The following POLB variants were observed in gnomAD, a reference collection of about 807,000 sequenced individuals.
The protein encoded by POLB is 5'-dRP lyase.
POLB carries 37 observed loss-of-function variants against 52.7 expected under a neutral mutation model. That is an observed-to-expected ratio of 0.70 (90% CI 0.54 to 0.92). POLB has a LOEUF of 0.92. POLB is among the 40% of genes least tolerant of loss of function. POLB has a pLI of 0.00. For missense variants in POLB, 313 were observed against 400.8 expected, an observed-to-expected ratio of 0.78 and a Z score of 1.87; for synonymous variants, 138 against 131.3, an observed-to-expected ratio of 1.05 and a Z score of -0.35.
chr8:42,371,467 C>T, intron 13 of POLB, 96 bp from the exon 14 acceptor site: 11 of 478,374 alleles, frequency 2.3e-5, no homozygotes, highest in Admixed American at 1.6e-4. Flanking sequence ...CTTTTTTCTT[C>T]TGAAAGCAAG....
Position 42,338,655 on chromosome 8 carries a change from C to T in POLB, c.31C>T (p.Leu11Phe), listed in dbSNP as rs1333891024. 1 of 1,614,208 alleles carries T rather than the reference C, an allele frequency of 6.2e-7. No individual in the cohort carries two copies. The change falls in exon 1 of 14, where the codon CTC becomes TTC. Residue 11 changes from leucine (L) to phenylalanine (F), a missense_variant. Coordinates refer to ENST00000265421, the MANE Select transcript of POLB (RefSeq NM_002690.3). The part of the protein sequence containing the change: MSKRKAPQET[L>F]NGGITDMLTE... Reference sequence around the variant, plus strand: ...CAAACGGAAGGCGCCGCAGGAGACTCTCAACGGGGGAATCACCGACATGCT... The same window carrying T: ...CAAACGGAAGGCGCCGCAGGAGACTTTCAACGGGGGAATCACCGACATGCT...
rs1412901637 is a variant in POLB at position 42,357,158 on chromosome 8, T to G, written c.423-11T>G. 4 of 1,448,220 alleles carry G rather than the reference T, an allele frequency of 2.8e-6. No individual in the cohort carries two copies. The allele number at this position is 1,448,220 out of a possible 1,614,324, so 89.7% of individuals were successfully genotyped here. A position where few individuals can be genotyped will look rare whatever the true frequency, so the allele number is the denominator to read the frequency against. On this transcript the variant is annotated splice_polypyrimidine_tract_variant and intron_variant, in intron 7 of 13. Coordinates refer to ENST00000265421, the MANE Select transcript of POLB (RefSeq NM_002690.3). ...ACGAAAATCTTTTGTCTACTTATTC[T>G]GTCTTTATAGATATTTTGGGGACTT...
At chr8:42,356,260 C>T (rs752716158) in intron 7 of POLB, among the ~76,000 whole-genome samples, 2 of 152,150 alleles carry the variant, frequency 1.3e-5, no homozygotes, top group Non-Finnish European at 2.9e-5. Context: ...AAATCTTGAG[C>T]CAGTGAGAGA....
chr8:42,342,249 A>G (rs893017747), intron 2 of POLB: 6 of 1,546,228 alleles, frequency 3.9e-6, no homozygotes, highest in East Asian at 2.2e-5. Flanking sequence ...TCTACATTGT[A>G]TTATCGCCAG....
intron 4 of POLB, among the ~76,000 whole-genome samples, chr8:42,349,609 C>T (rs1053093996): frequency 6.6e-6 from 1 of 152,288 alleles, no homozygotes; most frequent in South Asian, 2.1e-4. Context: ...AGTATGGTCT[C>T]GATCTCCTGA....
At chr8:42,356,948 A>G (rs1823352087) in intron 7 of POLB, among the ~76,000 whole-genome samples, 1 of 152,182 alleles carries the variant, frequency 6.6e-6, no homozygotes. Context: ...AAATATTACA[A>G]AGAATGACAC....
chr8:42,357,291 G>A, intron 8 of POLB, 29 bp from the exon 9 acceptor site: 1 of 1,438,562 alleles, frequency 7.0e-7, no homozygotes, highest in Non-Finnish European at 9.8e-7. Context: ...GCCATTTTGG[G>A]AATACTGACT....
chr8:42,345,880 A>G (rs1292424164), intron 3 of POLB, among the ~76,000 whole-genome samples: 4 of 152,192 alleles, frequency 2.6e-5, no homozygotes, highest in Non-Finnish European at 5.9e-5. Context: ...TAAGGACCAT[A>G]TCTTATTCAT....
chr8:42,360,220 G>A (rs1267404478), intron 9 of POLB, among the ~76,000 whole-genome samples: 1 of 151,580 alleles, frequency 6.6e-6, no homozygotes, highest in African/African-American at 2.4e-5. Flanking sequence ...GCCTCCCAAA[G>A]TGCTAGGATT....
intron 11 of POLB, 196 bp from the exon 12 acceptor site, chr8:42,369,075 T>A (rs776327505): frequency 4.8e-4 from 194 of 408,294 alleles, no homozygotes; most frequent in Non-Finnish European, 5.9e-4. Context: ...TGCAGTTTTG[T>A]GTAGTTCTCT....
At chr8:42,371,379 T>C (rs967408239) in intron 13 of POLB, among the ~76,000 whole-genome samples, 184 bp from the exon 14 acceptor site, 2 of 152,118 alleles carry the variant, frequency 1.3e-5, no homozygotes, top group Non-Finnish European at 2.9e-5. Context: ...TGCCTCGGCC[T>C]CCCAAATTGC....
Position 42,355,510 on chromosome 8 carries a change from A to C in POLB, c.371-6A>C, listed in dbSNP as rs573070818. On this transcript the variant is annotated splice_region_variant and splice_polypyrimidine_tract_variant and intron_variant, in intron 6 of 13. Transcript: ENST00000265421. ...AACATGTCAACTTTATTTATCTTCTATACAGATCTCAGAAAAAATGAAGAT... is the reference window on the plus strand; with the variant it reads ...AACATGTCAACTTTATTTATCTTCTCTACAGATCTCAGAAAAAATGAAGAT... 7.9e-6 allele frequency: 12 copies of C among 1,526,074 alleles called. No homozygotes were observed. Among genetic ancestry groups the C allele is most frequent in the Non-Finnish European group, 6.4e-6 (7 of 1,100,892 alleles). The allele number at this position is 1,526,074 out of a possible 1,614,324, so 94.5% of individuals were successfully genotyped here.
At chr8:42,358,369 G>A (rs944735408) in intron 9 of POLB, among the ~76,000 whole-genome samples, 1 of 151,986 alleles carries the variant, frequency 6.6e-6, no homozygotes, top group Non-Finnish European at 1.5e-5. Flanking sequence ...AAGCGTAGTG[G>A]TGGGCACCTG....
rs1169317451 is a variant in POLB, at chr8:42,352,515, G to T, written c.321-4G>T. ...ATGTTGAGATAATGCTTTTGTTTTT[G>T]TAGTCCATCTGCTGCAAGGAAGTTT... On this transcript the variant is annotated splice_polypyrimidine_tract_variant and splice_region_variant and intron_variant, in intron 5 of 13. Transcript: ENST00000265421. 1 of 1,592,144 alleles carries T rather than the reference G, an allele frequency of 6.3e-7. No individual in the cohort carries two copies. Among genetic ancestry groups the T allele is most frequent in the Non-Finnish European group, 8.6e-7 (1 of 1,160,042 alleles).
At chr8:42,358,505 A>G (rs1439167452) in intron 9 of POLB, among the ~76,000 whole-genome samples, 1 of 152,096 alleles carries the variant, frequency 6.6e-6, no homozygotes, top group African/African-American at 2.4e-5. Flanking sequence ...CCATCTCCAA[A>G]AAAAAAAGAA....
At chr8:42,362,723 A>G (rs1046080116) in intron 11 of POLB, 25 bp downstream of exon 11, 1 of 1,359,558 alleles carries the variant, frequency 7.4e-7, no homozygotes, top group Non-Finnish European at 1.0e-6. Flanking sequence ...GAGTTAGCAC[A>G]TCTAAAAAAA....
At chr8:42,351,220 T>A (rs1438268053) in intron 5 of POLB, among the ~76,000 whole-genome samples, 1 of 152,174 alleles carries the variant, frequency 6.6e-6, no homozygotes, top group Admixed American at 6.5e-5. Context: ...AACTGAAAGT[T>A]GAATATAGAA....
chr8:42,361,738 A>G (rs1051898006), intron 10 of POLB: 4 of 178,712 alleles, frequency 2.2e-5, no homozygotes, highest in African/African-American at 9.6e-5. Context: ...AACATTTTTT[A>G]TTTTAGAATA....
In POLB at chr8:42,350,058, G is replaced by A; in HGVS notation, c.313G>A (p.Gly105Ser). ...CATCAATTTCCTGACTCGAGTTAGT[G>A]GCATTGGGTAAGAACTATTTTTTAA... ...SSINFLTRVS[G>S]IGPSAARKFV... is the part of the protein sequence containing the mutation. Residue 105 changes from glycine (G) to serine (S), a missense_variant, in exon 5 of 14, where the codon GGC (glycine) becomes AGC (serine). Physicochemically the swap from Gly to Ser is moderately conservative, Grantham distance 56. Transcript: ENST00000265421. The A allele has an allele frequency of 6.3e-7, 1 of 1,593,636 alleles. No individual in the cohort carries two copies. Among genetic ancestry groups the A allele is most frequent in the Non-Finnish European group, 8.6e-7 (1 of 1,161,454 alleles).
Sources: allele counts gnomAD v4.1 joint callset (sites outside exome capture counted in the v4.1 genomes callset), GRCh38; gene constraint gnomAD v4.1.1; transcripts MANE v1.5; gene names NCBI Gene and HGNC (gene_info 2026-07-23, HGNC 2026-07-21).